Variants in SHROOM3 observed in about 807,000 individuals in gnomAD.
The protein encoded by SHROOM3 is shroom family member 3, also known as protein Shroom3.
SHROOM3 carries 47 observed loss-of-function variants against 138.6 expected under a neutral mutation model. The observed-to-expected ratio is 0.34, with a 90% confidence interval of 0.27 to 0.43. SHROOM3 has a LOEUF of 0.43. Ranked by LOEUF, SHROOM3 falls within the 20% of genes least tolerant of loss-of-function variation. The probability of loss-of-function intolerance (pLI) is 1.00; values close to 1 mark genes in which losing one functional copy is unlikely to be tolerated. For synonymous variants in SHROOM3, 1,062 were observed against 1,063.3 expected, an observed-to-expected ratio of 1.00 and a Z score of 0.02; for missense variants, 2,491 against 2,596.5, an observed-to-expected ratio of 0.96 and a Z score of 0.88.
intron 1 of SHROOM3, among the ~76,000 whole-genome samples, chr4:76,544,854 C>T (rs1733178740): frequency 6.6e-6 from 1 of 152,194 alleles, no homozygotes; most frequent in Non-Finnish European, 1.5e-5. Flanking sequence ...ACTGCAGAAT[C>T]TGTTAGAGCG....
chr4:76,463,861 T>A (rs1490167275), intron 1 of SHROOM3, among the ~76,000 whole-genome samples: 2 of 152,262 alleles, frequency 1.3e-5, no homozygotes, highest in African/African-American at 2.4e-5. Flanking sequence ...CAAGTGTTAA[T>A]GCTTGAAAGC....
rs1721196275 is a variant in SHROOM3 at position 76,740,109 on chromosome 4, G to A, written c.1936G>A (p.Gly646Ser). The A allele has an allele frequency of 6.2e-7, 1 of 1,613,778 alleles. No homozygotes were observed. Among genetic ancestry groups the A allele is most frequent in the South Asian group, 1.1e-5 (1 of 91,088 alleles). The change falls in exon 5 of 11, where the codon GGC (glycine) becomes AGC (serine). Residue 646 changes from glycine to serine, a missense_variant. By Grantham distance (56) the Gly-to-Ser change is moderately conservative. Coordinates refer to ENST00000296043, the MANE Select transcript of SHROOM3 (RefSeq NM_020859.4). This position sits in a 1 kb window ranked among gnomAD's most constrained non-coding sequence, Gnocchi z 4.0. Reference sequence around the variant, plus strand: ...CCTCTGGAGGAGGCTGGAGAGAGAAGGCCTAGGCCAGAGCCTGTCAGGCAA... The same window carrying A: ...CCTCTGGAGGAGGCTGGAGAGAGAAAGCCTAGGCCAGAGCCTGTCAGGCAA... ...ANLWRRLERE[G>S]LGQSLSGNFG... is the part of the protein sequence containing the mutation.
In SHROOM3 at chr4:76,517,854, C is replaced by T. The variant is rs911803439; in HGVS notation, c.169-37755C>T. On this transcript the variant is annotated intron_variant, in intron 1 of 10. Transcript: ENST00000296043. ...TAACCAAAGCTTCCCAGCCATTCCCCGTGGAAAGGAAGTGGATTGAATGAC... is the reference window on the plus strand; with the variant it reads ...TAACCAAAGCTTCCCAGCCATTCCCTGTGGAAAGGAAGTGGATTGAATGAC... Among the ~76,000 whole-genome samples the T allele has an allele frequency of 5.3e-5, 8 of 152,164 alleles. No homozygotes were observed. In the South Asian group the frequency reaches 6.2e-4, roughly 12 times the overall value.
intron 5 of SHROOM3, among the ~76,000 whole-genome samples, chr4:76,746,581 T>C (rs371767842): frequency 2.2e-4 from 33 of 152,256 alleles, no homozygotes; most frequent in African/African-American, 7.7e-4. Flanking sequence ...TCTCAGAACA[T>C]ATCCCTGTTG....
Position 76,538,997 on chromosome 4 carries a change from G to T in SHROOM3, c.169-16612G>T, listed in dbSNP as rs575585884. On this transcript the variant is annotated intron_variant, in intron 1 of 10. Transcript: ENST00000296043. The stretch of plus-strand genomic sequence containing the variant: ...TGGCTTTATGTTTCTTAGGCTGTAG[G>T]GAGCTGCCTGTTTTAGAATTAGATG... Among the ~76,000 whole-genome samples, 421 of 152,224 alleles carry T rather than the reference G, an allele frequency of 2.8e-3. 2 individuals carry two copies. The highest frequency in any genetic ancestry group is 9.9e-3 in the African/African-American group (410 of 41,526).
chr4:76,576,442 A>G (rs1404292979), intron 2 of SHROOM3, among the ~76,000 whole-genome samples: 1 of 152,176 alleles, frequency 6.6e-6, no homozygotes, highest in Non-Finnish European at 1.5e-5. Context: ...GTGGGATCTA[A>G]AAATCAAAAC....
intron 2 of SHROOM3, among the ~76,000 whole-genome samples, chr4:76,566,406 G>A (rs553821200): frequency 6.6e-6 from 1 of 152,228 alleles, no homozygotes; most frequent in African/African-American, 2.4e-5. Context: ...AGCTACAACT[G>A]TATTCATTTA....
intron 2 of SHROOM3, among the ~76,000 whole-genome samples, chr4:76,633,453 G>A (rs1015993786): frequency 6.6e-6 from 1 of 151,596 alleles, no homozygotes; most frequent in African/African-American, 2.4e-5. Context: ...TCGGGAGATC[G>A]AGACCATTCT....
rs539455223 is a variant in SHROOM3 at position 76,646,588 on chromosome 4, G to A, written c.324-63568G>A. Among the ~76,000 whole-genome samples the A allele has an allele frequency of 5.3e-5, 8 of 152,020 alleles. No homozygotes were observed. The East Asian group carries it at 5.8e-4, about 11-fold the overall frequency. On this transcript the variant is annotated intron_variant, in intron 2 of 10. Transcript: ENST00000296043. ...TTTATCACATAACACGGTACTTCAG[G>A]GAAGACTAGATAAGGACAGCCACTT...
Position 76,590,596 on chromosome 4 carries a change from T to A in SHROOM3, c.323+34833T>A, listed in dbSNP as rs541112997. On this transcript the variant is annotated intron_variant, in intron 2 of 10. Transcript: ENST00000296043. Reference sequence around the variant, plus strand: ...AAGAAGAATCAGGACAGCATTCAGATTTTTTCTACACAGTGATGAGTTTTT... The same window carrying A: ...AAGAAGAATCAGGACAGCATTCAGAATTTTTCTACACAGTGATGAGTTTTT... Among the ~76,000 whole-genome samples the A allele has an allele frequency of 5.9e-5, 9 of 151,874 alleles. No individual in the cohort carries two copies. The South Asian group carries it at 1.9e-3, about 32-fold the overall frequency.
intron 1 of SHROOM3, 38 bp from the exon 2 acceptor site, chr4:76,555,571 A>G (rs1733466634): frequency 1.2e-6 from 2 of 1,611,432 alleles, no homozygotes; most frequent in Non-Finnish European, 1.7e-6. Flanking sequence ...GCCAGGGGAA[A>G]GCTCACTCGT....
intron 2 of SHROOM3, among the ~76,000 whole-genome samples, chr4:76,632,184 T>G (rs1735344710): frequency 6.6e-6 from 1 of 152,144 alleles, no homozygotes; most frequent in Non-Finnish European, 1.5e-5. Context: ...CAGGTAATTG[T>G]ACAAAAGAGT....
intron 2 of SHROOM3, among the ~76,000 whole-genome samples, chr4:76,580,899 C>T (rs6826096): frequency 0.061 from 9,300 of 152,172 alleles, 902 homozygotes; most frequent in African/African-American, 0.21. Context: ...AGTATATAAA[C>T]GTAACTGATA....
chr4:76,662,082 C>T (rs987952819), intron 2 of SHROOM3, among the ~76,000 whole-genome samples: 6 of 152,162 alleles, frequency 3.9e-5, no homozygotes. Context: ...TTTATTAGCT[C>T]ACAATACTCT....
intron 2 of SHROOM3, among the ~76,000 whole-genome samples, chr4:76,672,181 C>T (rs529015079): frequency 8.5e-5 from 13 of 152,092 alleles, no homozygotes; most frequent in African/African-American, 2.9e-4. Context: ...ATGAACATAG[C>T]AAGATTTTCC....
At chr4:76,653,069 A>T (rs1022665232) in intron 2 of SHROOM3, among the ~76,000 whole-genome samples, 3 of 152,074 alleles carry the variant, frequency 2.0e-5, no homozygotes, top group Non-Finnish European at 4.4e-5. Flanking sequence ...GATCTCCCTT[A>T]AGTCTGAGGC....
rs960918210 is a variant in SHROOM3, at chr4:76,781,513, A to T, written c.*2336A>T. On this transcript the variant is annotated 3_prime_UTR_variant, in exon 11 of 11. Coordinates refer to ENST00000296043, the MANE Select transcript of SHROOM3 (RefSeq NM_020859.4). ...TGCTTGGCATGCCACAAACATCTGA[A>T]AGCTTGTGACACTCCTAGGATTGTG... is the stretch of plus-strand genomic sequence containing the variant. 15 of 152,204 alleles carry T rather than the reference A, an allele frequency of 9.9e-5. No homozygotes were observed. The highest frequency in any genetic ancestry group is 3.6e-4 in the African/African-American group (15 of 41,452). The allele number at this position is 152,204 out of a possible 1,614,324, so 9.4% of individuals were successfully genotyped here. A position where few individuals can be genotyped will look rare whatever the true frequency, so the allele number is the denominator to read the frequency against.
intron 2 of SHROOM3, among the ~76,000 whole-genome samples, chr4:76,699,830 C>A (rs1719854534): frequency 6.6e-6 from 1 of 152,106 alleles, no homozygotes; most frequent in Non-Finnish European, 1.5e-5. Context: ...TTCTATGTGA[C>A]CCCAGCTTTA....
At chr4:76,445,689 T>C (rs564046966) in intron 1 of SHROOM3, among the ~76,000 whole-genome samples, 1 of 152,246 alleles carries the variant, frequency 6.6e-6, no homozygotes, top group African/African-American at 2.4e-5. Flanking sequence ...GAAAGGACCT[T>C]GGACTGGATC....
Sources: gnomAD v4.1 joint callset for allele counts (sites outside exome capture counted in the v4.1 genomes callset) on GRCh38, gnomAD v4.1.1 for gene constraint, Gnocchi (gnomAD v3.1) non-coding constraint, MANE v1.5 for transcripts, NCBI Gene and HGNC (gene_info 2026-07-23, HGNC 2026-07-21) for gene names.